AIG1: variants seen among roughly 807,000 people sequenced by gnomAD.
AIG1 encodes androgen-induced gene 1 protein.
A neutral mutation model predicts 31.4 loss-of-function variants in AIG1; 23 were observed. The observed-to-expected ratio is 0.73, with a 90% CI of 0.53 to 1.04. The LOEUF (loss-of-function observed/expected upper bound fraction) is 1.04. Ranked by LOEUF, AIG1 falls within the 50% of genes least tolerant of loss-of-function variation. The pLI, the probability that AIG1 is intolerant of heterozygous loss-of-function variation, is 0.00. For synonymous variants in AIG1, 100 were observed against 110.5 expected (o/e 0.90, Z 0.60); for missense variants, 274 against 295.0 (o/e 0.93, Z 0.52).
At chr6:143,087,089 T>C (rs61061726) in intron 1 of AIG1, among the ~76,000 whole-genome samples, 1,689 of 152,350 alleles carry the variant, frequency 0.011, 38 homozygotes, top group African/African-American at 0.037. Flanking sequence ...TGTTTTTAAC[T>C]GGCCAACAGG....
chr6:143,308,900 A>T (rs923840037), intron 4 of AIG1, among the ~76,000 whole-genome samples: 21 of 152,158 alleles, frequency 1.4e-4, no homozygotes, highest in African/African-American at 4.8e-4. Flanking sequence ...GTCTGAGTGT[A>T]ACATCCATAG....
rs1777350906 is a variant in AIG1, at chr6:143,334,819, A to G, written c.679+1374A>G. ...TAAGTACCTGCTTACACTTGACTTG[A>G]TTGATTTGACAGTCATTTGGCCACA... On this transcript the variant is annotated intron_variant, in intron 5 of 5. Coordinates refer to ENST00000357847, the MANE Select transcript of AIG1 (RefSeq NM_016108.4). The surrounding 1 kb of genome is among the most constrained non-coding windows in gnomAD (Gnocchi z 5.1). Among the ~76,000 whole-genome samples, 1 of 152,204 alleles carries G rather than the reference A, an allele frequency of 6.6e-6. No individual in the cohort carries two copies. The highest frequency in any genetic ancestry group is 2.4e-5 in the African/African-American group (1 of 41,454).
intron 3 of AIG1, among the ~76,000 whole-genome samples, chr6:143,210,249 C>A (rs1306557331): frequency 1.3e-5 from 2 of 152,242 alleles, no homozygotes; most frequent in African/African-American, 4.8e-5. Flanking sequence ...CCAACCCAGC[C>A]ATGCTGAATT....
chr6:143,281,653 A>G (rs759383250), intron 3 of AIG1, among the ~76,000 whole-genome samples: 14 of 152,226 alleles, frequency 9.2e-5, no homozygotes, highest in Non-Finnish European at 1.9e-4. Context: ...CTGTAAGGCA[A>G]CATTTATATT....
intron 3 of AIG1, among the ~76,000 whole-genome samples, chr6:143,168,243 C>T (rs1787150551): frequency 6.6e-6 from 1 of 151,338 alleles, no homozygotes; most frequent in Non-Finnish European, 1.5e-5. Flanking sequence ...AAGTCCATTC[C>T]AAATTTCTTT....
chr6:143,193,728 T>C (rs762448393), intron 3 of AIG1, among the ~76,000 whole-genome samples: 1 of 152,206 alleles, frequency 6.6e-6, no homozygotes, highest in Non-Finnish European at 1.5e-5. Context: ...TTACCACTCA[T>C]AAATGGAATG....
At chr6:143,196,350 AACACACAC>A (rs71784011) in intron 3 of AIG1, among the ~76,000 whole-genome samples, 33,375 of 141,532 alleles carry the variant, frequency 0.24, 3,845 homozygotes, top group Non-Finnish European at 0.28. Context: ...CAACAAAAGC[AACACACAC>A]ACACACACAC....
chr6:143,197,703 C>T (rs1190445000), intron 3 of AIG1, among the ~76,000 whole-genome samples: 2 of 152,204 alleles, frequency 1.3e-5, no homozygotes, highest in East Asian at 3.8e-4. Context: ...GTTGGTAAGT[C>T]TGCCAGCCTA....
chr6:143,220,896 C>T (rs1228286378), intron 3 of AIG1, among the ~76,000 whole-genome samples: 2 of 152,062 alleles, frequency 1.3e-5, no homozygotes, highest in Non-Finnish European at 2.9e-5. Context: ...TCAGTGTATC[C>T]CTCTATAACA....
At position 143,333,094 on chromosome 6, in the gene AIG1, G is replaced by T. The variant is rs890148175; in HGVS notation, c.516-188G>T. ...CTTCTGTGAGTCTAAAATTATTTCA[G>T]AATAAAAAGTAAATGAAAATAAACA... On this transcript the variant is annotated intron_variant, in intron 4 of 5. Coordinates refer to ENST00000357847, the MANE Select transcript of AIG1 (RefSeq NM_016108.4). This position sits in a 1 kb window ranked among gnomAD's most constrained non-coding sequence, Gnocchi z 4.6. Among the ~76,000 whole-genome samples, 1 of 152,188 alleles carries T rather than the reference G, an allele frequency of 6.6e-6. No individual in the cohort carries two copies. Among genetic ancestry groups the T allele is most frequent in the Non-Finnish European group, 1.5e-5 (1 of 68,028 alleles).
downstream of AIG1, chr6:143,342,405 A>C (rs1224505911): frequency 4.2e-6 from 3 of 722,370 alleles, no homozygotes; most frequent in East Asian, 7.4e-5. Flanking sequence ...AATGTGGTTC[A>C]GAAAAGAACC....
At chr6:143,206,584 A>G (rs1791124901) in intron 3 of AIG1, among the ~76,000 whole-genome samples, 1 of 152,190 alleles carries the variant, frequency 6.6e-6, no homozygotes, top group Admixed American at 6.5e-5. Context: ...GCATATGTCT[A>G]CCATAGCCTT....
At chr6:143,087,232 AGCTCCCAAGATGGTGGCGGGCT>A (rs1255538975) in intron 1 of AIG1, among the ~76,000 whole-genome samples, 1 of 152,018 alleles carries the variant, frequency 6.6e-6, no homozygotes, top group Non-Finnish European at 1.5e-5. Context: ...TTGTTCTTAG[AGCTCCCAAGATGGTGGCGGGCT>A]GCTCCCAAGG....
intron 3 of AIG1, among the ~76,000 whole-genome samples, chr6:143,220,360 GA>G (rs2128622868): frequency 6.6e-6 from 1 of 152,298 alleles, no homozygotes; most frequent in South Asian, 2.1e-4. Flanking sequence ...AACCCATAGA[GA>G]AGAGAGATCT....
Position 143,292,985 on chromosome 6 carries a change from C to T in AIG1, c.515+8760C>T, listed in dbSNP as rs956045413. On this transcript the variant is annotated intron_variant, in intron 4 of 5. Transcript: ENST00000357847. The surrounding 1 kb of genome is among the most constrained non-coding windows in gnomAD (Gnocchi z 4.9). ...AAGTTAGATGCTCCTTGTTTAGTTC[C>T]CGTCTTCCTCGGGTCTTTGAGCAAA... 6.6e-6 allele frequency among the ~76,000 whole-genome samples: 1 copy of T among 152,186 alleles called. No homozygotes were observed. Among genetic ancestry groups the T allele is most frequent in the Admixed American group, 6.5e-5 (1 of 15,272 alleles).
chr6:143,138,725 C>G (rs1488843589), intron 2 of AIG1, among the ~76,000 whole-genome samples: 1 of 151,906 alleles, frequency 6.6e-6, no homozygotes, highest in Non-Finnish European at 1.5e-5. Flanking sequence ...AACCCCATCT[C>G]TACTAAAAAT....
At chr6:143,164,976 CAT>C (rs1259363907) in intron 2 of AIG1, 104 bp from the exon 3 acceptor site, 2 of 843,872 alleles carry the variant, frequency 2.4e-6, no homozygotes, top group Non-Finnish European at 3.9e-6. Context: ...TGTCTTTCAT[CAT>C]AGATTCCAAA....
At chr6:143,197,249 T>C (rs973638000) in intron 3 of AIG1, among the ~76,000 whole-genome samples, 7 of 152,232 alleles carry the variant, frequency 4.6e-5, no homozygotes, top group Non-Finnish European at 7.3e-5. Flanking sequence ...TTTATGTTTT[T>C]GTACATCAAA....
intron 4 of AIG1, among the ~76,000 whole-genome samples, chr6:143,332,572 A>G (rs1176668777): frequency 1.3e-5 from 2 of 152,230 alleles, no homozygotes; most frequent in African/African-American, 2.4e-5. Flanking sequence ...CTGCTAGGGT[A>G]TGCATGGTTG....
Sources: gnomAD v4.1 joint callset for allele counts (sites outside exome capture counted in the v4.1 genomes callset) on GRCh38, gnomAD v4.1.1 for gene constraint, Gnocchi (gnomAD v3.1) non-coding constraint, MANE v1.5 for transcripts, NCBI Gene and HGNC (gene_info 2026-07-23, HGNC 2026-07-21) for gene names.